Variants in TOX observed in about 807,000 individuals in gnomAD.
TOX encodes the protein thymocyte selection-associated high mobility group box protein TOX.
A neutral mutation model predicts 53.7 loss-of-function variants in TOX; 11 were observed. The ratio of observed to expected loss-of-function variants is 0.20; its 90% CI spans 0.13 to 0.34. TOX has a LOEUF of 0.34. TOX is among the 10% of genes least tolerant of loss of function. TOX has a pLI of 1.00. For synonymous variants in TOX, 225 were observed against 245.3 expected (o/e 0.92, Z 0.77); for missense variants, 570 against 664.6 (o/e 0.86, Z 1.56).
chr8:59,041,816 A>C (rs912425233), intron 1 of TOX, among the ~76,000 whole-genome samples: 1 of 152,212 alleles, frequency 6.6e-6, no homozygotes, highest in African/African-American at 2.4e-5. Context: ...GTCTACCACC[A>C]TCATGTTGTA....
chr8:58,966,542 G>T (rs1355092682), intron 1 of TOX, among the ~76,000 whole-genome samples: 2 of 152,010 alleles, frequency 1.3e-5, no homozygotes, highest in African/African-American at 4.8e-5. Flanking sequence ...CTTGGCCACG[G>T]GTGGGCAAAA....
chr8:59,071,824 T>C (rs933905228), intron 1 of TOX, among the ~76,000 whole-genome samples: 3 of 152,202 alleles, frequency 2.0e-5, no homozygotes, highest in African/African-American at 7.2e-5. Context: ...CTATGATTCA[T>C]GGCCAAAGAA....
At chr8:59,003,533 T>TC (rs1230214674) in intron 1 of TOX, among the ~76,000 whole-genome samples, 1 of 152,222 alleles carries the variant, frequency 6.6e-6, no homozygotes, top group Non-Finnish European at 1.5e-5. Flanking sequence ...AGACTTTTTT[T>TC]CAACAGTGAA....
intron 7 of TOX, among the ~76,000 whole-genome samples, chr8:58,814,072 A>G (rs80178684): frequency 0.021 from 3,225 of 152,302 alleles, 101 homozygotes; most frequent in South Asian, 0.16. Context: ...AAGTTTTCTG[A>G]GAATTAAAGA....
At chr8:58,859,560 C>G (rs1247577656) in intron 3 of TOX, among the ~76,000 whole-genome samples, 2 of 152,080 alleles carry the variant, frequency 1.3e-5, no homozygotes, top group African/African-American at 2.4e-5. Context: ...AGTAAGAACC[C>G]TGGAGCACAA....
chr8:58,934,421 G>GT (rs1468051257), intron 3 of TOX, among the ~76,000 whole-genome samples: 44 of 152,230 alleles, frequency 2.9e-4, no homozygotes, highest in African/African-American at 1.1e-3. Flanking sequence ...TCAGAAAGAG[G>GT]TTCCCATTGA....
intron 1 of TOX, among the ~76,000 whole-genome samples, chr8:59,115,270 T>A (rs1242256785): frequency 6.6e-6 from 1 of 152,106 alleles, no homozygotes; most frequent in African/African-American, 2.4e-5. Context: ...CTACTCCTTA[T>A]GTGGGCAGAT....
At position 59,057,551 on chromosome 8, in the gene TOX, A is replaced by T. The variant is rs182637626; in HGVS notation, c.102+61335T>A. The stretch of plus-strand genomic sequence containing the variant: ...TATTAAAGAACTTGCCTAAAATGAC[A>T]TTGTGTCACTCCAGATTTCATGCTT... On this transcript the variant is annotated intron_variant, in intron 1 of 8. Coordinates refer to ENST00000361421, the MANE Select transcript of TOX (RefSeq NM_014729.3). Among the ~76,000 whole-genome samples, 289 of 152,308 alleles carry T rather than the reference A, an allele frequency of 1.9e-3. 2 individuals carry two copies. The highest frequency in any genetic ancestry group is 5.6e-3 in the African/African-American group (233 of 41,560).
chr8:58,851,810 A>G lies in TOX; in HGVS notation c.412-5T>C. ...TGGGTTTCGTATATCTGGCATCTACAATAAATAAATAAATAAATAAATAAA... is the reference window on the plus strand; with the variant it reads ...TGGGTTTCGTATATCTGGCATCTACGATAAATAAATAAATAAATAAATAAA... On this transcript the variant is annotated splice_polypyrimidine_tract_variant and splice_region_variant and intron_variant, in intron 3 of 8. Transcript: ENST00000361421. This position sits in a 1 kb window ranked among gnomAD's most constrained non-coding sequence, Gnocchi z 4.4. 1 of 180,738 alleles carries G rather than the reference A, an allele frequency of 5.5e-6. No individual in the cohort carries two copies. The highest frequency in any genetic ancestry group is 7.0e-6 in the Non-Finnish European group (1 of 143,018). The allele number at this position is 180,738 out of a possible 1,614,324, so 11.2% of individuals were successfully genotyped here.
At position 58,927,499 on chromosome 8, in the gene TOX, T is replaced by C. The variant is rs148685169; in HGVS notation, c.411+11803A>G. ...CCCTGTGCTCTGCATCTTTGTCCCA[T>C]GGTCCTTCTGCGTAAGATGAGAATC... On this transcript the variant is annotated intron_variant, in intron 3 of 8. Transcript: ENST00000361421. Among the ~76,000 whole-genome samples the C allele has an allele frequency of 6.3e-3, 963 of 152,284 alleles. 13 individuals carry two copies. Among genetic ancestry groups the C allele is most frequent in the African/African-American group, 0.022 (923 of 41,556 alleles).
At chr8:59,060,018 CT>C (rs1220648084) in intron 1 of TOX, among the ~76,000 whole-genome samples, 1 of 151,710 alleles carries the variant, frequency 6.6e-6, no homozygotes, top group African/African-American at 2.4e-5. Context: ...AACCATAGTT[CT>C]TTTTTTTCAT....
In TOX at chr8:58,891,446, T is replaced by C. The variant is rs73252604; in HGVS notation, c.412-39641A>G. On this transcript the variant is annotated intron_variant, in intron 3 of 8. Transcript: ENST00000361421. The stretch of plus-strand genomic sequence containing the variant: ...GTGTTGCTTTATGTGTTCAGCCCTA[T>C]GTGATGTGTAATTTTAAGACAATCA... 9.0e-3 allele frequency among the ~76,000 whole-genome samples: 1,372 copies of C among 152,246 alleles called. 30 individuals carry two copies. Among genetic ancestry groups the C allele is most frequent in the African/African-American group, 0.031 (1,305 of 41,546 alleles).
intron 3 of TOX, among the ~76,000 whole-genome samples, chr8:58,876,384 A>G (rs1412888305): frequency 6.6e-6 from 1 of 152,182 alleles, no homozygotes; most frequent in Non-Finnish European, 1.5e-5. Context: ...TGAGCTCCCC[A>G]AACTCCAAAT....
At chr8:59,066,247 G>A (rs1037766934) in intron 1 of TOX, among the ~76,000 whole-genome samples, 1 of 152,158 alleles carries the variant, frequency 6.6e-6, no homozygotes, top group Non-Finnish European at 1.5e-5. Flanking sequence ...ATGTGCTGCT[G>A]GATTATTTAA....
chr8:58,960,029 A>G (rs1812775410), intron 1 of TOX, 21 bp from the exon 2 acceptor site: 2 of 1,613,532 alleles, frequency 1.2e-6, no homozygotes, highest in African/African-American at 2.7e-5. Context: ...AATAATAGTA[A>G]ACATTCAGCA....
At chr8:59,052,679 G>C (rs1180195189) in intron 1 of TOX, among the ~76,000 whole-genome samples, 1 of 152,098 alleles carries the variant, frequency 6.6e-6, no homozygotes, top group Admixed American at 6.6e-5. Context: ...CTCCATTTCT[G>C]CCATTCACCA....
chr8:59,043,456 A>G (rs908578097), intron 1 of TOX, among the ~76,000 whole-genome samples: 13 of 152,002 alleles, frequency 8.6e-5, no homozygotes, highest in African/African-American at 3.1e-4. Context: ...AAAAATCAGA[A>G]CTTAATAAAA....
chr8:59,048,797 C>T (rs1803734700), intron 1 of TOX, among the ~76,000 whole-genome samples: 1 of 152,110 alleles, frequency 6.6e-6, no homozygotes, highest in South Asian at 2.1e-4. Flanking sequence ...GTATCCATCA[C>T]ATCAAGCATG....
intron 3 of TOX, among the ~76,000 whole-genome samples, chr8:58,933,553 G>A (rs1430514655): frequency 2.7e-5 from 4 of 146,154 alleles, no homozygotes; most frequent in African/African-American, 5.0e-5. Flanking sequence ...TCTTATAACT[G>A]ATTAAACTTT....
Sources: gnomAD v4.1 joint callset for allele counts (sites outside exome capture counted in the v4.1 genomes callset) on GRCh38, gnomAD v4.1.1 for gene constraint, Gnocchi (gnomAD v3.1) non-coding constraint, MANE v1.5 for transcripts, NCBI Gene and HGNC (gene_info 2026-07-23, HGNC 2026-07-21) for gene names.